ASIC2: variants seen among roughly 807,000 people sequenced by gnomAD.
ASIC2 encodes acid sensing ion channel subunit 2, also known as acid-sensing ion channel 2.
A neutral mutation model predicts 57.3 loss-of-function variants in ASIC2; 25 were observed. The observed-to-expected ratio is 0.44, with a 90% CI of 0.32 to 0.61. The LOEUF is 0.61. ASIC2 is among the 20% of genes least tolerant of loss of function. The probability of loss-of-function intolerance (pLI) is 0.06; values close to 1 mark genes in which losing one functional copy is unlikely to be tolerated. For missense variants in ASIC2, 641 were observed against 738.1 expected, an observed-to-expected ratio of 0.87 and a Z score of 1.52; for synonymous variants, 319 against 307.5, an observed-to-expected ratio of 1.04 and a Z score of -0.39.
intron 1 of ASIC2, among the ~76,000 whole-genome samples, chr17:33,526,072 G>T (rs1292423181): frequency 6.6e-6 from 1 of 152,170 alleles, no homozygotes; most frequent in Non-Finnish European, 1.5e-5. Flanking sequence ...ACCAAAAAGT[G>T]TGAGGAATTC....
chr17:33,586,292 A>G (rs1272487555), intron 1 of ASIC2, among the ~76,000 whole-genome samples: 1 of 152,138 alleles, frequency 6.6e-6, no homozygotes, highest in Non-Finnish European at 1.5e-5. Context: ...GTCTGAGTTT[A>G]CCATCTAGGG....
intron 1 of ASIC2, among the ~76,000 whole-genome samples, chr17:33,985,029 A>G (rs1024327129): frequency 1.3e-5 from 2 of 152,232 alleles, no homozygotes; most frequent in African/African-American, 4.8e-5. Context: ...GGCAGTCTGA[A>G]TATAGATGTG....
At chr17:33,660,089 C>T (rs1254500332) in intron 1 of ASIC2, among the ~76,000 whole-genome samples, 1 of 151,516 alleles carries the variant, frequency 6.6e-6, no homozygotes, top group African/African-American at 2.4e-5. Context: ...TCGCAAAAAA[C>T]AAAACGAAAC....
chr17:33,869,783 T>C (rs1297564066), intron 1 of ASIC2, among the ~76,000 whole-genome samples: 1 of 152,230 alleles, frequency 6.6e-6, no homozygotes, highest in Non-Finnish European at 1.5e-5. Context: ...AAATTCCTTT[T>C]TTGGGATAAT....
At chr17:33,163,983 G>A (rs192263119) in intron 1 of ASIC2, among the ~76,000 whole-genome samples, 2 of 152,320 alleles carry the variant, frequency 1.3e-5, no homozygotes, top group Admixed American at 6.5e-5. Flanking sequence ...CAACTACTGC[G>A]GATGACCTCA....
chr17:33,846,930 A>G (rs1371480077), intron 1 of ASIC2, among the ~76,000 whole-genome samples: 2 of 152,058 alleles, frequency 1.3e-5, no homozygotes, highest in African/African-American at 2.4e-5. Context: ...CCAGAAAACC[A>G]CAATTTTCAA....
intron 1 of ASIC2, among the ~76,000 whole-genome samples, chr17:33,381,378 T>G (rs1280686241): frequency 6.6e-6 from 1 of 152,256 alleles, no homozygotes; most frequent in Non-Finnish European, 1.5e-5. Context: ...CTGCCGCCTC[T>G]GCCTCTCACA....
intron 1 of ASIC2, among the ~76,000 whole-genome samples, chr17:33,852,987 T>TC (rs749385710): frequency 1.5e-4 from 23 of 151,780 alleles, no homozygotes; most frequent in South Asian, 1.3e-3. Flanking sequence ...CTAAAGCCTT[T>TC]CCCCCCCGTC....
intron 1 of ASIC2, among the ~76,000 whole-genome samples, chr17:33,957,284 A>G (rs1487855198): frequency 2.0e-5 from 3 of 152,224 alleles, no homozygotes; most frequent in Admixed American, 6.5e-5. Flanking sequence ...AGAGAAGAGA[A>G]GCAACATGCC....
intron 1 of ASIC2, among the ~76,000 whole-genome samples, chr17:33,686,275 G>C (rs1156898214): frequency 6.6e-6 from 1 of 152,152 alleles, no homozygotes; most frequent in African/African-American, 2.4e-5. Context: ...AAATCACACT[G>C]TATTGGGGGC....
chr17:33,324,678 A>G (rs573320359), intron 1 of ASIC2, among the ~76,000 whole-genome samples: 26 of 152,252 alleles, frequency 1.7e-4, no homozygotes, highest in South Asian at 1.5e-3. Flanking sequence ...TGGCCAAGTC[A>G]CTGAACCCAC....
At chr17:34,079,384 C>T (rs1036861923) in intron 1 of ASIC2, among the ~76,000 whole-genome samples, 5 of 152,156 alleles carry the variant, frequency 3.3e-5, no homozygotes, top group Non-Finnish European at 2.9e-5. Flanking sequence ...CCATGCTGTT[C>T]TCACTCCCTC....
intron 1 of ASIC2, among the ~76,000 whole-genome samples, chr17:33,663,859 C>T (rs117311304): frequency 0.028 from 4,217 of 152,278 alleles, 85 homozygotes; most frequent in Non-Finnish European, 0.041. Context: ...CAAATGTTCT[C>T]AGCTGAATCC....
At position 33,831,012 on chromosome 17, in the gene ASIC2, A is replaced by C. The variant is rs538356778; in HGVS notation, c.555+324966T>G. On this transcript the variant is annotated intron_variant, in intron 1 of 9. Coordinates refer to the ASIC2 transcript ENST00000359872. ...GTAATCCCAGCTACTCGGGAGGCTG[A>C]GGCAGGAGAATCACTTAGACCGGGA... 1.5e-3 allele frequency among the ~76,000 whole-genome samples: 218 copies of C among 142,992 alleles called. 2 individuals carry two copies. Among genetic ancestry groups the C allele is most frequent in the African/African-American group, 5.4e-3 (210 of 38,940 alleles). The allele number at this position is 142,992 out of a possible 152,430, so 93.8% of individuals were successfully genotyped here.
chr17:34,009,087 T>C (rs1001410927), intron 1 of ASIC2, among the ~76,000 whole-genome samples: 38 of 152,078 alleles, frequency 2.5e-4, no homozygotes, highest in Non-Finnish European at 2.1e-4. Flanking sequence ...TTTTTTTTTT[T>C]CCCAGCCCAC....
chr17:33,139,809 A>T (rs1251010474), intron 1 of ASIC2, among the ~76,000 whole-genome samples: 1 of 152,144 alleles, frequency 6.6e-6, no homozygotes, highest in East Asian at 1.9e-4. Context: ...GCAAGCTTGG[A>T]TAAGTGCAGA....
rs189764391 is a variant in ASIC2 at position 33,724,214 on chromosome 17, G to C, written c.555+431764C>G. ...CTTTCATTTTCCACCATGATTACGA[G>C]GCCTCCCCAGCCACGAGGAACTGTG... On this transcript the variant is annotated intron_variant, in intron 1 of 9. Transcript: ENST00000359872. Among the ~76,000 whole-genome samples the C allele has an allele frequency of 7.9e-5, 12 of 152,208 alleles. No individual in the cohort carries two copies. In the East Asian group the frequency reaches 2.3e-3, roughly 29 times the overall value.
At chr17:33,421,601 T>A (rs1911047607) in intron 1 of ASIC2, among the ~76,000 whole-genome samples, 1 of 152,202 alleles carries the variant, frequency 6.6e-6, no homozygotes, top group Non-Finnish European at 1.5e-5. Context: ...TTTTTTACTT[T>A]ATACCCAGTT....
chr17:33,211,697 C>A (rs1907281872), intron 1 of ASIC2, among the ~76,000 whole-genome samples: 1 of 152,220 alleles, frequency 6.6e-6, no homozygotes, highest in Admixed American at 6.5e-5. Flanking sequence ...TTTGCCTCCT[C>A]CATTACCAGC....
Sources: allele counts gnomAD v4.1 joint callset (sites outside exome capture counted in the v4.1 genomes callset), GRCh38; gene constraint gnomAD v4.1.1; transcripts MANE v1.5; gene names NCBI Gene and HGNC (gene_info 2026-07-23, HGNC 2026-07-21).